Variants in CRPPA observed in about 807,000 individuals in gnomAD.
CRPPA encodes CDP-L-ribitol pyrophosphorylase A.
Under a neutral mutation model 52.0 loss-of-function variants are expected in CRPPA, and 43 were observed. That is an observed-to-expected ratio of 0.83 (90% CI 0.65 to 1.07). CRPPA has a LOEUF of 1.07. Among genes scored for constraint, CRPPA ranks in the 50% least tolerant of loss-of-function variants. The pLI is 0.00. For missense variants in CRPPA, 629 were observed against 551.7 expected, an observed-to-expected ratio of 1.14 and a Z score of -1.40; for synonymous variants, 250 against 203.5, an observed-to-expected ratio of 1.23 and a Z score of -1.94.
intron 9 of CRPPA, among the ~76,000 whole-genome samples, chr7:16,193,808 T>C (rs748564717): frequency 2.0e-5 from 3 of 152,216 alleles, no homozygotes; most frequent in Admixed American, 6.5e-5. Context: ...AACTCCTCCG[T>C]GCGCTTATCC....
chr7:16,208,226 G>C (rs2128395277), intron 9 of CRPPA, among the ~76,000 whole-genome samples: 1 of 152,262 alleles, frequency 6.6e-6, no homozygotes, highest in South Asian at 2.1e-4. Context: ...TATGACATGA[G>C]TTGGGATGGT....
intron 9 of CRPPA, among the ~76,000 whole-genome samples, chr7:16,165,498 A>G (rs991936115): frequency 6.6e-6 from 1 of 152,232 alleles, no homozygotes; most frequent in Non-Finnish European, 1.5e-5. Context: ...TAACAGACAC[A>G]TGTTCTTGTC....
rs115384765 is a variant in CRPPA at position 16,407,320 on chromosome 7, C to A, written c.258-983G>T. 5.4e-3 allele frequency among the ~76,000 whole-genome samples: 828 copies of A among 152,234 alleles called. 10 individuals carry two copies. The highest frequency in any genetic ancestry group is 0.018 in the African/African-American group (764 of 41,554). On this transcript the variant is annotated intron_variant, in intron 1 of 9. Coordinates refer to ENST00000407010, the MANE Select transcript of CRPPA (RefSeq NM_001101426.4). Reference sequence around the variant, plus strand: ...AGGGACCTACTGACATACTAGACTGCAAGTAGTCCACATTAGTGAGTTGCT... The same window carrying A: ...AGGGACCTACTGACATACTAGACTGAAAGTAGTCCACATTAGTGAGTTGCT...
chr7:16,249,840 C>T (rs1783393044), intron 8 of CRPPA, among the ~76,000 whole-genome samples: 1 of 152,182 alleles, frequency 6.6e-6, no homozygotes, highest in African/African-American at 2.4e-5. Flanking sequence ...AGGATCACAA[C>T]TCCTCGCCAG....
chr7:16,155,639 C>T (rs971816767), intron 9 of CRPPA, among the ~76,000 whole-genome samples: 4 of 152,172 alleles, frequency 2.6e-5, no homozygotes, highest in Non-Finnish European at 4.4e-5. Flanking sequence ...CTTTAACTTA[C>T]GTTATTGTAA....
intron 5 of CRPPA, among the ~76,000 whole-genome samples, chr7:16,296,644 C>T (rs1784681194): frequency 6.6e-6 from 1 of 151,840 alleles, no homozygotes; most frequent in South Asian, 2.1e-4. Context: ...AAGTTCCATC[C>T]TAGAAAGGAA....
intron 9 of CRPPA, among the ~76,000 whole-genome samples, chr7:16,148,820 A>G (rs1388612902): frequency 3.3e-5 from 5 of 152,088 alleles, no homozygotes; most frequent in Non-Finnish European, 7.4e-5. Flanking sequence ...TGGATTTTAA[A>G]TGTTCCCAAC....
intron 9 of CRPPA, among the ~76,000 whole-genome samples, chr7:16,106,213 G>A (rs1400947483): frequency 6.6e-6 from 1 of 152,148 alleles, no homozygotes; most frequent in Non-Finnish European, 1.5e-5. Context: ...AAGTCAAACA[G>A]CCACTCAATT....
chr7:16,293,233 C>T (rs913900356), intron 5 of CRPPA, among the ~76,000 whole-genome samples: 5 of 151,886 alleles, frequency 3.3e-5, no homozygotes, highest in African/African-American at 7.2e-5. Flanking sequence ...ATTCTTCCAT[C>T]GAGCCTCATG....
intron 2 of CRPPA, among the ~76,000 whole-genome samples, chr7:16,377,290 G>C (rs1213440853): frequency 6.6e-6 from 1 of 152,128 alleles, no homozygotes; most frequent in Admixed American, 6.5e-5. Flanking sequence ...GTGACAAAGA[G>C]GAAGTAGTAT....
At chr7:16,361,566 A>G (rs995311569) in intron 3 of CRPPA, among the ~76,000 whole-genome samples, 5 of 152,210 alleles carry the variant, frequency 3.3e-5, no homozygotes, top group African/African-American at 1.2e-4. Context: ...GTTCCAACAC[A>G]GATGAACCTT....
chr7:16,206,571 T>A (rs913247013), intron 9 of CRPPA, among the ~76,000 whole-genome samples: 1 of 151,992 alleles, frequency 6.6e-6, no homozygotes, highest in Non-Finnish European at 1.5e-5. Flanking sequence ...CTGAACCTTT[T>A]TTTAAAAAAG....
At chr7:16,272,258 C>T (rs1341252492) in intron 6 of CRPPA, among the ~76,000 whole-genome samples, 1 of 152,136 alleles carries the variant, frequency 6.6e-6, no homozygotes, top group Non-Finnish European at 1.5e-5. Flanking sequence ...CCCAAGTTAG[C>T]TCTTTACTTA....
At chr7:16,139,587 T>C (rs903456653) in intron 9 of CRPPA, among the ~76,000 whole-genome samples, 5 of 152,208 alleles carry the variant, frequency 3.3e-5, no homozygotes, top group African/African-American at 4.8e-5. Context: ...AAAACTGTGA[T>C]TACTTTTGCA....
chr7:16,166,366 GT>G (rs1468141929), intron 9 of CRPPA, among the ~76,000 whole-genome samples: 1 of 151,848 alleles, frequency 6.6e-6, no homozygotes, highest in African/African-American at 2.4e-5. Flanking sequence ...TGCAACCTCT[GT>G]CTTCCAGGTT....
intron 9 of CRPPA, among the ~76,000 whole-genome samples, chr7:16,143,662 G>A (rs888055637): frequency 6.6e-6 from 1 of 152,186 alleles, no homozygotes; most frequent in African/African-American, 2.4e-5. Context: ...AGTGTACCAA[G>A]TATCACTCTC....
chr7:16,245,904 C>G (rs1783259742), intron 8 of CRPPA, among the ~76,000 whole-genome samples: 3 of 151,934 alleles, frequency 2.0e-5, no homozygotes, highest in Admixed American at 6.6e-5. Context: ...AACATTTGAG[C>G]CTTCAGCGAG....
chr7:16,232,003 G>A (rs1782810865), intron 8 of CRPPA, among the ~76,000 whole-genome samples: 2 of 152,136 alleles, frequency 1.3e-5, no homozygotes, highest in Admixed American at 1.3e-4. Flanking sequence ...GACCAAGGTA[G>A]ACAGAATAGA....
At chr7:16,097,276 A>T (rs1781955127) in intron 9 of CRPPA, among the ~76,000 whole-genome samples, 1 of 152,190 alleles carries the variant, frequency 6.6e-6, no homozygotes, top group Non-Finnish European at 1.5e-5. Flanking sequence ...TTTACCCAGC[A>T]TGTAACAATT....
Sources: allele counts gnomAD v4.1 joint callset (sites outside exome capture counted in the v4.1 genomes callset), GRCh38; gene constraint gnomAD v4.1.1; transcripts MANE v1.5; gene names NCBI Gene and HGNC (gene_info 2026-07-23, HGNC 2026-07-21).